The following HYDIN variants were observed in gnomAD, a reference collection of about 807,000 sequenced individuals.
The protein encoded by HYDIN is axonemal central pair apparatus protein HYDIN.
HYDIN carries 132 observed loss-of-function variants against 403.9 expected under a neutral mutation model. The ratio of observed to expected loss-of-function variants is 0.33; its 90% CI spans 0.28 to 0.38. The LOEUF (loss-of-function observed/expected upper bound fraction) is 0.38. Among genes scored for constraint, HYDIN ranks in the 10% least tolerant of loss-of-function variants. The pLI is 1.00. For synonymous variants in HYDIN, 1,202 were observed against 1,891.7 expected (o/e 0.64, Z 9.46); for missense variants, 2,827 against 5,009.5 (o/e 0.56, Z 13.15).
rs543313042 is a variant in HYDIN, at chr16:70,920,894, G to C, written c.7482C>G (p.Pro2494=). 697 of 1,612,450 alleles carry C rather than the reference G, an allele frequency of 4.3e-4. 7 individuals carry two copies. The South Asian group carries it at 7.4e-3, about 17-fold the overall frequency. The change falls in exon 46 of 86, where the codon CCC becomes CCG. Residue 2494 remains proline, a synonymous_variant. Transcript: ENST00000393567. ...PAGMEEAPHE[P]DDQRQVPLGG... ...CCAAGGGGACCTGGCGCTGGTCGTC[G>C]GGCTCATGGGGCGCTTCCTCCATCC... is the stretch of plus-strand genomic sequence containing the variant.
chr16:71,093,985 C>T (rs1597760143), intron 10 of HYDIN, 50 bp from the exon 11 acceptor site: 3 of 1,584,482 alleles, frequency 1.9e-6, no homozygotes, highest in South Asian at 1.1e-5. Context: ...TCATTTACCC[C>T]AAATCATGTT....
At chr16:70,885,724 A>G (rs2041088989) in intron 58 of HYDIN, among the ~76,000 whole-genome samples, 2 of 152,126 alleles carry the variant, frequency 1.3e-5, no homozygotes, top group African/African-American at 2.4e-5. Context: ...CTGAGAAGAT[A>G]TGGTAGGCAA....
chr16:71,164,663 T>C (rs1461037026), intron 5 of HYDIN, among the ~76,000 whole-genome samples: 1 of 82,046 alleles, frequency 1.2e-5, no homozygotes, highest in African/African-American at 5.1e-5. Flanking sequence ...TCCAAACTCA[T>C]AACCAGCTGC....
chr16:71,052,898 G>GGAAA (rs762491508), intron 18 of HYDIN, among the ~76,000 whole-genome samples: 8 of 137,492 alleles, frequency 5.8e-5, no homozygotes, highest in Non-Finnish European at 9.4e-5. Context: ...AGAGAAAGAA[G>GGAAA]GAAAGAAAGA....
At chr16:70,839,996 C>T (rs2037707523) in intron 76 of HYDIN, 68 bp downstream of exon 76, 5 of 750,426 alleles carry the variant, frequency 6.7e-6, no homozygotes, top group African/African-American at 3.7e-5. Context: ...CAGGGCTTCA[C>T]CTGTGTGGAA....
intron 7 of HYDIN, among the ~76,000 whole-genome samples, chr16:71,144,769 C>T (rs113090582): frequency 1.3e-5 from 2 of 148,360 alleles, no homozygotes; most frequent in African/African-American, 4.9e-5. Flanking sequence ...ATATATTCAG[C>T]GGAGGGCCAG....
chr16:70,808,372 ATGGAAGACCAAACATTCTGG>A (rs2035236708), intron 85 of HYDIN, among the ~76,000 whole-genome samples: 1 of 152,168 alleles, frequency 6.6e-6, no homozygotes, highest in Non-Finnish European at 1.5e-5. Flanking sequence ...TTCCATGTAC[ATGGAAGACCAAACATTCTGG>A]TTCCTTGCAG....
intron 1 of HYDIN, among the ~76,000 whole-genome samples, chr16:71,204,908 T>C (rs1247923225): frequency 1.3e-5 from 2 of 152,100 alleles, no homozygotes; most frequent in Admixed American, 1.3e-4. Context: ...CAACCATCCA[T>C]GTAAACACAA....
At chr16:71,148,690 T>C (rs1177317491) in intron 7 of HYDIN, among the ~76,000 whole-genome samples, 8 of 150,080 alleles carry the variant, frequency 5.3e-5, no homozygotes. Flanking sequence ...AGAAAATTAA[T>C]TTCTCACTGT....
chr16:71,127,746 G>A (rs1278948872), intron 9 of HYDIN, among the ~76,000 whole-genome samples: 1 of 152,206 alleles, frequency 6.6e-6, no homozygotes, highest in Non-Finnish European at 1.5e-5. Flanking sequence ...AACCTTACCA[G>A]TATGTTTAAG....
intron 18 of HYDIN, among the ~76,000 whole-genome samples, chr16:71,042,774 T>C (rs2081328515): frequency 6.6e-6 from 1 of 152,164 alleles, no homozygotes; most frequent in African/African-American, 2.4e-5. Flanking sequence ...ACAGGTTCCA[T>C]CTTCTTGGAG....
chr16:70,868,510 G>A (rs977931181), intron 66 of HYDIN, 60 bp downstream of exon 66: 12 of 1,538,294 alleles, frequency 7.8e-6, no homozygotes, highest in Non-Finnish European at 1.1e-5. Context: ...AGGGACTTGA[G>A]ACCAGTAGGA....
chr16:70,833,037 A>G lies in HYDIN; in HGVS notation c.13710T>C (p.Pro4570=). The change falls in exon 80 of 86, where the codon CCT becomes CCC. Residue 4570 remains proline, a synonymous_variant. Coordinates refer to ENST00000393567, the MANE Select transcript of HYDIN (RefSeq NM_001270974.2). ...RFKWDIKKFE[P]HFSISPEEGY... ...CTTCTTCTGGGCTAATGGAGAAATG[A>G]GGCTCAAATTTTTTGATGTCCCATT... 3 of 1,613,388 alleles carry G rather than the reference A, an allele frequency of 1.9e-6. No homozygotes were observed. Among genetic ancestry groups the G allele is most frequent in the Admixed American group, 1.7e-5 (1 of 59,848 alleles).
Position 70,857,631 on chromosome 16 carries a change from G to T in HYDIN, c.12295+74C>A, listed in dbSNP as rs1270246526. The T allele has an allele frequency of 1.8e-5, 20 of 1,104,700 alleles. No homozygotes were observed. The Admixed American group carries it at 2.1e-4, about 11-fold the overall frequency. 68.4% of individuals were successfully genotyped at this position (1,104,700 alleles called of 1,614,324 possible). ...GACCAGGAGAGGTTTCTTATGCAAG[G>T]CTGCTCCCAGAGCTCTTGATGACCT... On this transcript the variant is annotated intron_variant, in intron 72 of 85. Transcript: ENST00000393567.
At chr16:71,038,812 C>T (rs967074782) in intron 18 of HYDIN, among the ~76,000 whole-genome samples, 1 of 151,076 alleles carries the variant, frequency 6.6e-6, no homozygotes, top group African/African-American at 2.4e-5. Context: ...GCATGTGCCA[C>T]CATGCCTGGC....
At chr16:71,050,548 T>C (rs1465368901) in intron 18 of HYDIN, among the ~76,000 whole-genome samples, 1 of 152,148 alleles carries the variant, frequency 6.6e-6, no homozygotes, top group African/African-American at 2.4e-5. Flanking sequence ...TCTGCCTATT[T>C]ATCCATCCCT....
At chr16:71,222,774 T>C (rs1309066236) in intron 1 of HYDIN, among the ~76,000 whole-genome samples, 5 of 152,124 alleles carry the variant, frequency 3.3e-5, no homozygotes, top group East Asian at 1.9e-4. Flanking sequence ...CATATGAATA[T>C]ACTTAACCAA....
chr16:71,220,777 A>G lies in HYDIN; in HGVS notation c.-24+9785T>C, dbSNP rs1322127793. ...ATTTCTAAGGTATTTAATTTTTTAC[A>G]AGGAGTATGTAAATGACTGTGCTAA... On this transcript the variant is annotated intron_variant, in intron 1 of 85. Transcript: ENST00000393567. 5.3e-5 allele frequency among the ~76,000 whole-genome samples: 8 copies of G among 152,200 alleles called. No homozygotes were observed. In the East Asian group the frequency reaches 1.5e-3, roughly 29 times the overall value.
At chr16:71,180,627 A>AAGAG (rs71389635) in intron 3 of HYDIN, among the ~76,000 whole-genome samples, 104,327 of 151,172 alleles carry the variant, frequency 0.69, 37,768 homozygotes, top group African/African-American at 0.91. Context: ...AGATGAAAGA[A>AAGAG]AGAGAAAAAA....
Sources: gnomAD v4.1 joint callset for allele counts (sites outside exome capture counted in the v4.1 genomes callset) on GRCh38, gnomAD v4.1.1 for gene constraint, MANE v1.5 for transcripts, NCBI Gene and HGNC (gene_info 2026-07-23, HGNC 2026-07-21) for gene names.